GPX6: variants seen among roughly 807,000 people sequenced by gnomAD.
GPX6 encodes glutathione peroxidase 6.
Under a neutral mutation model 20.0 loss-of-function variants are expected in GPX6, and 21 were observed. The ratio of observed to expected loss-of-function variants is 1.05; its 90% CI spans 0.74 to 1.51. The LOEUF is 1.51. GPX6 is among the 40% of genes most tolerant of loss of function. The probability of loss-of-function intolerance (pLI) is 0.00; values close to 1 mark genes in which losing one functional copy is unlikely to be tolerated. For missense variants in GPX6, 233 were observed against 254.7 expected (o/e 0.91, Z 0.58); for synonymous variants, 75 against 98.0 (o/e 0.77, Z 1.38).
intron 2 of GPX6, among the ~76,000 whole-genome samples, chr6:28,509,025 T>C (rs1447950991): frequency 6.6e-6 from 1 of 152,236 alleles, no homozygotes; most frequent in Non-Finnish European, 1.5e-5. Flanking sequence ...TGAATGTTAA[T>C]TTTAAAATGT....
intron 1 of GPX6, among the ~76,000 whole-genome samples, chr6:28,514,054 C>T (rs1762979785): frequency 6.6e-6 from 1 of 152,210 alleles, no homozygotes; most frequent in African/African-American, 2.4e-5. Context: ...CATCTATATG[C>T]CTGCATTCGT....
chr6:28,506,405 A>G lies in GPX6; in HGVS notation c.266T>C (p.Leu89Pro). The G allele has an allele frequency of 6.2e-7, 1 of 1,613,118 alleles. No homozygotes were observed. The highest frequency in any genetic ancestry group is 8.5e-7 in the Non-Finnish European group (1 of 1,179,050). Residue 89 changes from leucine (L) to proline (P), a missense_variant, in exon 3 of 5, where the codon CTG becomes CCG. By Grantham distance (98) the Leu-to-Pro change is moderately conservative. Coordinates refer to ENST00000361902, the MANE Select transcript of GPX6 (RefSeq NM_182701.1). ...YPELNALQEELKNFGVIVLAF... is the reference protein window; with the variant it reads ...YPELNALQEEPKNFGVIVLAF... ...CAACACAATGACACCAAAATTCTTC[A>G]GCTCCTCCTGTAGTGCATTCAGTTC... is the stretch of plus-strand genomic sequence containing the variant.
intron 1 of GPX6, 80 bp from the exon 2 acceptor site, chr6:28,510,984 G>A: frequency 1.6e-6 from 2 of 1,260,810 alleles, no homozygotes; most frequent in Non-Finnish European, 2.2e-6. Flanking sequence ...CAAAACACTC[G>A]AAGACCCTTC....
chr6:28,511,871 G>A (rs1361594756), intron 1 of GPX6, among the ~76,000 whole-genome samples: 1 of 152,260 alleles, frequency 6.6e-6, no homozygotes, highest in African/African-American at 2.4e-5. Context: ...AGGGCTGCGC[G>A]TGGCACTTGC....
rs1763014209 is a variant in GPX6, at chr6:28,515,693, G to A, written c.51C>T (p.Gly17=). 2 of 1,614,044 alleles carry A rather than the reference G, an allele frequency of 1.2e-6. No individual in the cohort carries two copies. The highest frequency in any genetic ancestry group is 1.7e-6 in the Non-Finnish European group (2 of 1,179,946). The part of the protein sequence containing the change: ...ASCLVLFFLV[G]FAQQTLKPQN... ...GAGGCTTTAGGGTCTGCTGAGCAAAGCCAACCAGGAAAAACAGGACAAGAC... is the reference window on the plus strand; with the variant it reads ...GAGGCTTTAGGGTCTGCTGAGCAAAACCAACCAGGAAAAACAGGACAAGAC... The change falls in exon 1 of 5, where the codon GGC becomes GGT. Residue 17 remains glycine (G), a synonymous_variant. Transcript: ENST00000361902.
chr6:28,504,616 T>C, intron 4 of GPX6, 118 bp from the exon 5 acceptor site: 2 of 856,574 alleles, frequency 2.3e-6, no homozygotes, highest in South Asian at 3.6e-5. Flanking sequence ...TATTTTAATA[T>C]ATTAACTACT....
At chr6:28,507,080 C>G (rs1313460851) in intron 2 of GPX6, among the ~76,000 whole-genome samples, 2 of 152,216 alleles carry the variant, frequency 1.3e-5, no homozygotes, top group Non-Finnish European at 2.9e-5. Flanking sequence ...TGCCCTGGAA[C>G]ACTCCCTGGG....
At chr6:28,512,868 A>G (rs2113607632) in intron 1 of GPX6, among the ~76,000 whole-genome samples, 1 of 151,856 alleles carries the variant, frequency 6.6e-6, no homozygotes, top group South Asian at 2.1e-4. Context: ...TTGCAGCTTC[A>G]CTCTTGAGCC....
At chr6:28,512,772 G>A (rs948167509) in intron 1 of GPX6, among the ~76,000 whole-genome samples, 7 of 152,090 alleles carry the variant, frequency 4.6e-5, no homozygotes, top group Non-Finnish European at 1.0e-4. Context: ...CTTCACTCCT[G>A]AAGCCAGCGA....
chr6:28,510,684 C>G lies in GPX6; in HGVS notation c.241+67G>C. ...TCCTCCAATAACACATTGGTAAAAC[C>G]TTCTGGAATTAGAATATGGCTATCT... On this transcript the variant is annotated intron_variant, in intron 2 of 4. Coordinates refer to ENST00000361902, the MANE Select transcript of GPX6 (RefSeq NM_182701.1). The G allele has an allele frequency of 3.9e-6, 6 of 1,530,604 alleles. No homozygotes were observed. In the Middle Eastern group the frequency reaches 8.6e-4, roughly 219 times the overall value. The allele number at this position is 1,530,604 out of a possible 1,614,324, so 94.8% of individuals were successfully genotyped here.
rs899359028 is a variant in GPX6, at chr6:28,510,738, C to A, written c.241+13G>T. The A allele has an allele frequency of 1.2e-6, 2 of 1,609,132 alleles. No individual in the cohort carries two copies. The highest frequency in any genetic ancestry group is 1.3e-5 in the African/African-American group (1 of 74,854). On this transcript the variant is annotated intron_variant, in intron 2 of 4. Transcript: ENST00000361902. ...AATGCTGCTTCCAAAAGAGTTGAAA[C>A]GTGAGTTCTTACCAGGATACTGAGC... is the stretch of plus-strand genomic sequence containing the variant.
intron 2 of GPX6, among the ~76,000 whole-genome samples, chr6:28,509,291 T>G (rs1762837276): frequency 6.6e-6 from 1 of 151,460 alleles, no homozygotes; most frequent in Non-Finnish European, 1.5e-5. Flanking sequence ...AGGCCAAGAC[T>G]TGTGGATCAT....
chr6:28,512,640 G>A (rs1762908282), intron 1 of GPX6, among the ~76,000 whole-genome samples: 1 of 152,176 alleles, frequency 6.6e-6, no homozygotes, highest in South Asian at 2.1e-4. Context: ...CAGCCCCCGT[G>A]GGTCCCCTTC....
In GPX6 at chr6:28,503,314, T is replaced by C. The variant is rs1387668347; in HGVS notation, c.*978A>G. On this transcript the variant is annotated 3_prime_UTR_variant, in exon 5 of 5. Transcript: ENST00000361902. Reference sequence around the variant, plus strand: ...CCAGTTCCAGCCGTGCTTTTATATGTGCCAAGGAAAGTTCTAGAGCATTTT... The same window carrying C: ...CCAGTTCCAGCCGTGCTTTTATATGCGCCAAGGAAAGTTCTAGAGCATTTT... 1 of 152,072 alleles carries C rather than the reference T, an allele frequency of 6.6e-6. No individual in the cohort carries two copies. The highest frequency in any genetic ancestry group is 2.4e-5 in the African/African-American group (1 of 41,366). The allele number at this position is 152,072 out of a possible 1,614,324, so 9.4% of individuals were successfully genotyped here. A position where few individuals can be genotyped will look rare whatever the true frequency, so the allele number is the denominator to read the frequency against.
chr6:28,505,669 C>A, intron 4 of GPX6, 34 bp downstream of exon 4: 1 of 1,534,188 alleles, frequency 6.5e-7, no homozygotes, highest in Non-Finnish European at 9.0e-7. Context: ...GCATTTCTAG[C>A]TAACCCATCC....
rs35711685 is a variant in GPX6, at chr6:28,508,225, G to A, written c.242-1796C>T. Among the ~76,000 whole-genome samples, 314 of 152,232 alleles carry A rather than the reference G, an allele frequency of 2.1e-3. 4 individuals carry two copies. Among genetic ancestry groups the A allele is most frequent in the Admixed American group, 0.019 (286 of 15,304 alleles). The stretch of plus-strand genomic sequence containing the variant: ...GCAGCTTCACATTCCATGGAACTGC[G>A]TTTACACATCACAACTTTTAAAATT... On this transcript the variant is annotated intron_variant, in intron 2 of 4. Coordinates refer to ENST00000361902, the MANE Select transcript of GPX6 (RefSeq NM_182701.1).
chr6:28,514,479 C>A (rs1177172654), intron 1 of GPX6, among the ~76,000 whole-genome samples: 1 of 152,176 alleles, frequency 6.6e-6, no homozygotes, highest in Non-Finnish European at 1.5e-5. Context: ...GGAGGTTGTC[C>A]GTTCAAGTGA....
Position 28,507,090 on chromosome 6 carries a change from G to T in GPX6, c.242-661C>A, listed in dbSNP as rs375440734. ...CAACATGCCCTGGAACACTCCCTGG[G>T]ACGCCAGGCCATAAACTCCAAATTG... is the stretch of plus-strand genomic sequence containing the variant. On this transcript the variant is annotated intron_variant, in intron 2 of 4. Transcript: ENST00000361902. Among the ~76,000 whole-genome samples, 3 of 152,312 alleles carry T rather than the reference G, an allele frequency of 2.0e-5. No individual in the cohort carries two copies. In the South Asian group the frequency reaches 6.2e-4, roughly 32 times the overall value.
In GPX6 at chr6:28,513,357, T is replaced by G. The variant is rs1455395571; in HGVS notation, c.87+2300A>C. On this transcript the variant is annotated intron_variant, in intron 1 of 4. Transcript: ENST00000361902. ...CCACTGGGGCTTCAGTTGTAAACAT[T>G]CACTCCTAGACACTGCCTTAAGGTT... is the stretch of plus-strand genomic sequence containing the variant. 2.0e-5 allele frequency among the ~76,000 whole-genome samples: 3 copies of G among 152,134 alleles called. No individual in the cohort carries two copies. In the East Asian group the frequency reaches 5.8e-4, roughly 29 times the overall value.
Sources: gnomAD v4.1 joint callset for allele counts (sites outside exome capture counted in the v4.1 genomes callset) on GRCh38, gnomAD v4.1.1 for gene constraint, MANE v1.5 for transcripts, NCBI Gene and HGNC (gene_info 2026-07-23, HGNC 2026-07-21) for gene names.